The following UNC13C variants were observed in gnomAD, a reference collection of about 807,000 sequenced individuals.
The protein encoded by UNC13C is protein unc-13 homolog C.
Under a neutral mutation model 245.4 loss-of-function variants are expected in UNC13C, and 174 were observed. The ratio of observed to expected loss-of-function variants is 0.71; its 90% CI spans 0.63 to 0.80. UNC13C has a LOEUF of 0.80. UNC13C is among the 30% of genes least tolerant of loss of function. The pLI is 0.00. For synonymous variants in UNC13C, 992 were observed against 895.1 expected (o/e 1.11, Z -1.93); for missense variants, 2,829 against 2,602.9 (o/e 1.09, Z -1.89).
In UNC13C at chr15:54,235,087, T is replaced by G; in HGVS notation, c.3129T>G (p.Thr1043=). 6.2e-7 allele frequency: 1 copy of G among 1,613,930 alleles called. No homozygotes were observed. The highest frequency in any genetic ancestry group is 8.5e-7 in the Non-Finnish European group (1 of 1,179,842). ...TGCCGGATCTTCGCAGAAAAAAAAC[T>G]TTGCCTATTGTCCGAGATGTGGTAA... ...DSMPDLRRKK[T]LPIVRDVAMT... is the part of the protein sequence containing the mutation. Residue 1043 remains threonine, a synonymous_variant, in exon 5 of 33, where the codon ACT becomes ACG. Coordinates refer to ENST00000260323, the MANE Select transcript of UNC13C (RefSeq NM_001080534.3).
intron 17 of UNC13C, among the ~76,000 whole-genome samples, chr15:54,353,344 C>T (rs1278431475): frequency 6.6e-6 from 1 of 152,118 alleles, no homozygotes; most frequent in African/African-American, 2.4e-5. Flanking sequence ...AATATGGTTT[C>T]TGTTAGAAAT....
chr15:54,171,760 C>A (rs950144753), intron 4 of UNC13C, among the ~76,000 whole-genome samples: 1 of 151,992 alleles, frequency 6.6e-6, no homozygotes, highest in Non-Finnish European at 1.5e-5. Context: ...TAGGTATATA[C>A]CCAAAAGAAA....
At chr15:53,846,612 C>A in the UNC13C span, among the ~76,000 whole-genome samples, 1 of 152,122 alleles carries the variant, frequency 6.6e-6, no homozygotes, top group Admixed American at 6.6e-5. Flanking sequence ...CAAAGCTGAG[C>A]ATATTTATGT....
the UNC13C span, among the ~76,000 whole-genome samples, chr15:53,873,896 T>TTTCCTTCC: frequency 1.0e-4 from 14 of 134,170 alleles, no homozygotes; most frequent in African/African-American, 4.0e-4. Context: ...CTTCCTTCTC[T>TTTCCTTCC]TTCCTTCCTT....
intron 2 of UNC13C, among the ~76,000 whole-genome samples, chr15:54,058,512 A>T (rs1433144749): frequency 6.6e-6 from 1 of 152,206 alleles, no homozygotes. Flanking sequence ...ATGGACTCAC[A>T]GCCGAATTCT....
intron 19 of UNC13C, among the ~76,000 whole-genome samples, chr15:54,463,752 A>G (rs930506349): frequency 2.0e-4 from 31 of 152,152 alleles, no homozygotes; most frequent in Admixed American, 5.9e-4. Flanking sequence ...CCAAGAACCC[A>G]CCAATTCCGG....
chr15:54,626,168 G>GCCTTGA (rs904460995), intron 32 of UNC13C, among the ~76,000 whole-genome samples: 5 of 151,900 alleles, frequency 3.3e-5, no homozygotes, highest in Non-Finnish European at 7.4e-5. Flanking sequence ...TCACCACTTG[G>GCCTTGA]CCTTCTTTAT....
intron 19 of UNC13C, among the ~76,000 whole-genome samples, chr15:54,470,568 T>G (rs1892406148): frequency 6.6e-6 from 1 of 151,376 alleles, no homozygotes; most frequent in African/African-American, 2.4e-5. Flanking sequence ...TCCTTTGTAC[T>G]TTGTGTTATC....
intron 4 of UNC13C, among the ~76,000 whole-genome samples, chr15:54,172,593 G>A (rs2033441480): frequency 6.7e-6 from 1 of 149,710 alleles, no homozygotes; most frequent in African/African-American, 2.5e-5. Context: ...TACCTGGAAT[G>A]TTTCCATATT....
chr15:54,616,308 T>C (rs1900426265), intron 30 of UNC13C, among the ~76,000 whole-genome samples: 1 of 152,072 alleles, frequency 6.6e-6, no homozygotes, highest in African/African-American at 2.4e-5. Context: ...CCTGTGGAGT[T>C]TGTGACATAT....
At chr15:54,079,883 G>A (rs58218756) in intron 2 of UNC13C, among the ~76,000 whole-genome samples, 24,906 of 151,712 alleles carry the variant, frequency 0.16, 2,239 homozygotes, top group South Asian at 0.33. Flanking sequence ...TCCTTGTCTC[G>A]TTCCAGGTTT....
intron 2 of UNC13C, among the ~76,000 whole-genome samples, chr15:54,134,272 G>T (rs202077115): frequency 0.019 from 2,775 of 146,710 alleles, 74 homozygotes; most frequent in East Asian, 0.092. Flanking sequence ...TATGAGTTCA[G>T]TTTTTTTTTT....
chr15:54,357,860 G>A (rs1235719012), intron 17 of UNC13C, among the ~76,000 whole-genome samples: 2 of 151,894 alleles, frequency 1.3e-5, no homozygotes, highest in African/African-American at 4.8e-5. Context: ...ATATGTGTGT[G>A]TGTATTTATG....
Position 54,011,839 on chromosome 15 carries a change from A to G in UNC13C, c.-256-809A>G, listed in dbSNP as rs114358094. Among the ~76,000 whole-genome samples, 696 of 152,284 alleles carry G rather than the reference A, an allele frequency of 4.6e-3. 12 individuals are homozygous for G. The highest frequency in any genetic ancestry group is 0.016 in the African/African-American group (671 of 41,550). Reference sequence around the variant, plus strand: ...CCCTGCAGAGCCTGATTGAAATGCAACTGGCAGATTTCCAAGTGGAGAGAG... The same window carrying G: ...CCCTGCAGAGCCTGATTGAAATGCAGCTGGCAGATTTCCAAGTGGAGAGAG... On this transcript the variant is annotated intron_variant, in intron 1 of 32. Transcript: ENST00000260323.
intron 20 of UNC13C, among the ~76,000 whole-genome samples, chr15:54,499,410 T>G (rs1364946714): frequency 6.6e-6 from 1 of 151,962 alleles, no homozygotes; most frequent in Non-Finnish European, 1.5e-5. Context: ...GGGACACAGA[T>G]CCAAACCATA....
intron 30 of UNC13C, among the ~76,000 whole-genome samples, chr15:54,589,691 GTAGATTCTGGATAT>G (rs148411362): frequency 0.08 from 12,154 of 151,764 alleles, 1,563 homozygotes; most frequent in African/African-American, 0.27. Flanking sequence ...TGAGTTTGTT[GTAGATTCTGGATAT>G]TAGTCCTTTG....
At chr15:54,299,498 A>G (rs1254981921) in intron 12 of UNC13C, among the ~76,000 whole-genome samples, 2 of 152,200 alleles carry the variant, frequency 1.3e-5, no homozygotes, top group Non-Finnish European at 2.9e-5. Context: ...GCCTGAATGC[A>G]AAATACGCTC....
chr15:54,614,293 C>T (rs1196436600), intron 30 of UNC13C, among the ~76,000 whole-genome samples: 1 of 151,946 alleles, frequency 6.6e-6, no homozygotes, highest in Non-Finnish European at 1.5e-5. Flanking sequence ...TCCCCAAACT[C>T]CCAAGACTTT....
intron 17 of UNC13C, among the ~76,000 whole-genome samples, chr15:54,354,250 A>T (rs532380385): frequency 6.6e-6 from 1 of 152,056 alleles, no homozygotes; most frequent in Non-Finnish European, 1.5e-5. Context: ...TTTGTGAATC[A>T]TCTTACTCAT....
Sources: gnomAD v4.1 joint callset for allele counts (sites outside exome capture counted in the v4.1 genomes callset) on GRCh38, gnomAD v4.1.1 for gene constraint, MANE v1.5 for transcripts, NCBI Gene and HGNC (gene_info 2026-07-23, HGNC 2026-07-21) for gene names.